Variants in CSMD1 observed in about 807,000 individuals in gnomAD.
CSMD1 encodes the protein CUB and Sushi multiple domains 1.
A neutral mutation model predicts 417.5 loss-of-function variants in CSMD1; 213 were observed. The observed-to-expected ratio is 0.51, with a 90% CI of 0.46 to 0.57. CSMD1 has a LOEUF of 0.57. CSMD1 is among the 20% of genes least tolerant of loss of function. The pLI is 0.00. For missense variants in CSMD1, 6,923 were observed against 4,529.7 expected, an observed-to-expected ratio of 1.53 and a Z score of -15.17; for synonymous variants, 2,862 against 1,736.8, an observed-to-expected ratio of 1.65 and a Z score of -16.11.
intron 1 of CSMD1, among the ~76,000 whole-genome samples, chr8:4,954,272 A>G (rs1027469097): frequency 2.6e-5 from 4 of 152,208 alleles, no homozygotes; most frequent in East Asian, 3.8e-4. Context: ...ATATGGTGTG[A>G]TAAGTGTTAC....
chr8:3,592,572 G>A (rs752332898), intron 8 of CSMD1, among the ~76,000 whole-genome samples: 5 of 152,138 alleles, frequency 3.3e-5, no homozygotes, highest in Non-Finnish European at 5.9e-5. Context: ...GTTTAGAAAT[G>A]TTGCTTGAAT....
chr8:3,258,546 A>G (rs1173372068), intron 26 of CSMD1, among the ~76,000 whole-genome samples: 1 of 152,188 alleles, frequency 6.6e-6, no homozygotes, highest in African/African-American at 2.4e-5. Flanking sequence ...GATTCCTCAA[A>G]GACCTAAAGA....
chr8:3,704,645 T>G (rs140875522), intron 7 of CSMD1: 102 of 152,312 alleles, frequency 6.7e-4, no homozygotes, highest in African/African-American at 2.4e-3. Flanking sequence ...TTATTAAACT[T>G]TCACTCCAAC....
intron 18 of CSMD1, among the ~76,000 whole-genome samples, chr8:3,375,643 G>T (rs547518017): frequency 6.6e-6 from 1 of 152,076 alleles, no homozygotes; most frequent in Non-Finnish European, 1.5e-5. Flanking sequence ...GAAACCCCCA[G>T]TAGGAAGGAG....
At position 2,970,377 on chromosome 8, in the gene CSMD1, A is replaced by T. The variant is rs114406425; in HGVS notation, c.8923+2740T>A. 1.8e-3 allele frequency among the ~76,000 whole-genome samples: 281 copies of T among 152,310 alleles called. 1 individual carries two copies. Among genetic ancestry groups the T allele is most frequent in the African/African-American group, 6.5e-3 (269 of 41,564 alleles). ...GGCCATCTTTGATAGAATATTTCAT[A>T]TTCCACTTTCTGGGAGTGTCAGAGT... On this transcript the variant is annotated intron_variant, in intron 57 of 69. Coordinates refer to ENST00000635120, the MANE Select transcript of CSMD1 (RefSeq NM_033225.6).
intron 12 of CSMD1, among the ~76,000 whole-genome samples, chr8:3,465,037 T>C (rs1467126879): frequency 6.6e-6 from 1 of 152,196 alleles, no homozygotes; most frequent in Non-Finnish European, 1.5e-5. Flanking sequence ...CAGGCTTATA[T>C]ACTAGGGAAT....
At chr8:3,996,743 C>T (rs956319902) in intron 5 of CSMD1, among the ~76,000 whole-genome samples, 2 of 152,134 alleles carry the variant, frequency 1.3e-5, no homozygotes, top group Non-Finnish European at 2.9e-5. Context: ...TGTTTGGTTT[C>T]TTCCTCCCTC....
chr8:4,690,279 G>C (rs192695812), intron 1 of CSMD1, among the ~76,000 whole-genome samples: 1 of 152,150 alleles, frequency 6.6e-6, no homozygotes, highest in Non-Finnish European at 1.5e-5. Context: ...CAATCCTGAA[G>C]AGGACGACCT....
At chr8:4,787,226 G>A (rs1300083022) in intron 1 of CSMD1, 1 of 494,066 alleles carries the variant, frequency 2.0e-6, no homozygotes, top group Non-Finnish European at 3.8e-6. Context: ...GCGCGCCTGG[G>A]GGCCGCGCCT....
chr8:4,465,269 G>A (rs976492743), intron 2 of CSMD1, among the ~76,000 whole-genome samples: 1 of 152,032 alleles, frequency 6.6e-6, no homozygotes, highest in African/African-American at 2.4e-5. Context: ...TTTTTCCAGT[G>A]CCTGTGACCC....
intron 5 of CSMD1, among the ~76,000 whole-genome samples, chr8:3,850,639 G>A (rs765643851): frequency 2.6e-5 from 4 of 152,140 alleles, no homozygotes; most frequent in Non-Finnish European, 4.4e-5. Flanking sequence ...AGGTTGAGGT[G>A]AGCCAAGATC....
intron 3 of CSMD1, among the ~76,000 whole-genome samples, chr8:4,180,479 A>C (rs1025771143): frequency 3.3e-5 from 5 of 151,392 alleles, no homozygotes; most frequent in African/African-American, 1.2e-4. Context: ...CTAATGCTAA[A>C]TGACGAGTTA....
At chr8:3,635,632 A>C (rs13262621) in intron 7 of CSMD1, among the ~76,000 whole-genome samples, 68,293 of 150,486 alleles carry the variant, frequency 0.45, 15,564 homozygotes, top group Middle Eastern at 0.62. Flanking sequence ...TACAGGCGCC[A>C]GCCACCATGC....
At chr8:3,382,726 C>G (rs933394629) in intron 18 of CSMD1, among the ~76,000 whole-genome samples, 1 of 150,988 alleles carries the variant, frequency 6.6e-6, no homozygotes, top group Non-Finnish European at 1.5e-5. Context: ...CTTCTCTCTT[C>G]CAGTAGCAGA....
At chr8:3,131,133 G>A (rs1391948388) in intron 41 of CSMD1, among the ~76,000 whole-genome samples, 1 of 152,118 alleles carries the variant, frequency 6.6e-6, no homozygotes, top group Non-Finnish European at 1.5e-5. Flanking sequence ...AAGGAAACCA[G>A]CCATTTTAAA....
chr8:3,211,923 G>T (rs977948245), intron 30 of CSMD1, among the ~76,000 whole-genome samples: 1 of 152,206 alleles, frequency 6.6e-6, no homozygotes, highest in East Asian at 1.9e-4. Flanking sequence ...GACAAGAGGG[G>T]GTGGAGGTGT....
chr8:3,246,703 C>G (rs547104620), intron 26 of CSMD1, among the ~76,000 whole-genome samples: 70 of 152,292 alleles, frequency 4.6e-4, no homozygotes, highest in Admixed American at 6.5e-4. Flanking sequence ...AACTCCTGAC[C>G]TCAGGTGATC....
At chr8:3,968,078 T>G (rs1192924359) in intron 5 of CSMD1, among the ~76,000 whole-genome samples, 1 of 147,758 alleles carries the variant, frequency 6.8e-6, no homozygotes, top group African/African-American at 2.5e-5. Context: ...TCCCAGCTCC[T>G]CGGCAGGCTG....
intron 3 of CSMD1, among the ~76,000 whole-genome samples, chr8:4,343,562 A>G (rs1800603392): frequency 6.6e-6 from 1 of 152,168 alleles, no homozygotes; most frequent in Non-Finnish European, 1.5e-5. Flanking sequence ...TCAATTATAT[A>G]TCAATAGAGC....
Sources: gnomAD v4.1 joint callset for allele counts (sites outside exome capture counted in the v4.1 genomes callset) on GRCh38, gnomAD v4.1.1 for gene constraint, MANE v1.5 for transcripts, NCBI Gene and HGNC (gene_info 2026-07-23, HGNC 2026-07-21) for gene names.